PDE5A: variants seen among roughly 807,000 people sequenced by gnomAD.
The protein encoded by PDE5A is phosphodiesterase 5A.
Under a neutral mutation model 110.2 loss-of-function variants are expected in PDE5A, and 67 were observed. The observed-to-expected ratio is 0.61, with a 90% CI of 0.50 to 0.75. PDE5A has a LOEUF of 0.75. Ranked by LOEUF, PDE5A falls within the 30% of genes least tolerant of loss-of-function variation. PDE5A has a pLI of 0.00. For missense variants in PDE5A, 862 were observed against 1,045.1 expected (o/e 0.82, Z 2.42); for synonymous variants, 328 against 351.2 (o/e 0.93, Z 0.74).
At chr4:119,585,275 CAAAA>C (rs10706998) in intron 3 of PDE5A, among the ~76,000 whole-genome samples, 33 of 135,226 alleles carry the variant, frequency 2.4e-4, no homozygotes, top group Admixed American at 3.7e-4. Flanking sequence ...AACTCTGTCT[CAAAA>C]AAAAAAAAAA....
chr4:119,583,536 A>C (rs527663176), intron 3 of PDE5A, among the ~76,000 whole-genome samples: 12 of 152,208 alleles, frequency 7.9e-5, no homozygotes, highest in South Asian at 2.1e-4. Context: ...CAACTTGGCT[A>C]ACTGGCCCAA....
At chr4:119,526,149 T>C (rs551944952) in intron 11 of PDE5A, among the ~76,000 whole-genome samples, 5 of 152,248 alleles carry the variant, frequency 3.3e-5, no homozygotes, top group Middle Eastern at 3.4e-3. Flanking sequence ...AGGACAGCCT[T>C]ATGAAGTGGA....
chr4:119,558,432 T>C (rs1727617834), intron 7 of PDE5A, among the ~76,000 whole-genome samples: 1 of 152,208 alleles, frequency 6.6e-6, no homozygotes, highest in South Asian at 2.1e-4. Flanking sequence ...AATTGCCTAG[T>C]ACTTCATCAA....
At chr4:119,512,356 T>C (rs886576958) in intron 14 of PDE5A, 5 of 152,202 alleles carry the variant, frequency 3.3e-5, no homozygotes, top group African/African-American at 1.2e-4. Context: ...TTTAGTGAGT[T>C]GGACTATGGA....
intron 15 of PDE5A, among the ~76,000 whole-genome samples, chr4:119,509,770 A>G (rs1260686712): frequency 1.3e-5 from 2 of 151,874 alleles, no homozygotes; most frequent in East Asian, 1.9e-4. Context: ...AGGCTATATA[A>G]CTCTTAATTC....
At chr4:119,551,694 A>G (rs1226880573) in intron 9 of PDE5A, among the ~76,000 whole-genome samples, 2 of 44,766 alleles carry the variant, frequency 4.5e-5, no homozygotes, top group African/African-American at 6.7e-5. Context: ...TTCTTTTTCT[A>G]TTTTCATTAC....
chr4:119,499,438 T>G (rs184803020), intron 20 of PDE5A: 151 of 152,262 alleles, frequency 9.9e-4, no homozygotes, highest in African/African-American at 3.4e-3. Flanking sequence ...TATATGAAAA[T>G]GTCATAAAGC....
intron 3 of PDE5A, among the ~76,000 whole-genome samples, chr4:119,567,363 G>T (rs1170040991): frequency 6.6e-6 from 1 of 151,982 alleles, no homozygotes; most frequent in Non-Finnish European, 1.5e-5. Flanking sequence ...ATTTATTAGG[G>T]CCCAAACTAT....
At chr4:119,539,719 C>A (rs1486781101) in intron 10 of PDE5A, among the ~76,000 whole-genome samples, 1 of 152,112 alleles carries the variant, frequency 6.6e-6, no homozygotes, top group African/African-American at 2.4e-5. Context: ...CAATTCCTAA[C>A]CTATACACGT....
chr4:119,589,382 A>G (rs1436189614), intron 3 of PDE5A, among the ~76,000 whole-genome samples: 2 of 152,160 alleles, frequency 1.3e-5, no homozygotes, highest in Non-Finnish European at 2.9e-5. Flanking sequence ...CTATGTCAGA[A>G]CAAGCAATAC....
intron 9 of PDE5A, chr4:119,552,042 T>C (rs1237617132): frequency 1.3e-5 from 2 of 152,174 alleles, no homozygotes; most frequent in Non-Finnish European, 2.9e-5. Flanking sequence ...TGAGAATGCA[T>C]TCTTCCATCA....
At chr4:119,530,865 A>C (rs1016066651) in intron 11 of PDE5A, among the ~76,000 whole-genome samples, 1 of 152,158 alleles carries the variant, frequency 6.6e-6, no homozygotes, top group Non-Finnish European at 1.5e-5. Context: ...GTTGTGGTAC[A>C]TGCCTTTTTC....
At chr4:119,500,704 C>T (rs1725281281) in intron 20 of PDE5A, 1 of 152,338 alleles carries the variant, frequency 6.6e-6, no homozygotes, top group Non-Finnish European at 1.5e-5. Flanking sequence ...ACCCCCCCTC[C>T]AAAAGCCAAG....
At chr4:119,556,569 G>A (rs1727547636) in intron 7 of PDE5A, among the ~76,000 whole-genome samples, 1 of 152,088 alleles carries the variant, frequency 6.6e-6, no homozygotes, top group African/African-American at 2.4e-5. Context: ...TTTTATTTTG[G>A]GTTTTCATGA....
chr4:119,518,026 G>A (rs1266724569), intron 14 of PDE5A, among the ~76,000 whole-genome samples: 1 of 152,190 alleles, frequency 6.6e-6, no homozygotes, highest in Non-Finnish European at 1.5e-5. Context: ...ACTCAGGCAA[G>A]AGCTTGCTAT....
chr4:119,549,035 T>C (rs952949219), intron 9 of PDE5A: 12 of 152,246 alleles, frequency 7.9e-5, no homozygotes, highest in Non-Finnish European at 1.6e-4. Context: ...TACTTATTTA[T>C]GCCTTGGAAT....
chr4:119,588,670 T>G (rs1728860157), intron 3 of PDE5A, among the ~76,000 whole-genome samples: 1 of 152,202 alleles, frequency 6.6e-6, no homozygotes, highest in Non-Finnish European at 1.5e-5. Flanking sequence ...AACATTTATT[T>G]TTGTATTTTG....
intron 13 of PDE5A, 32 bp downstream of exon 13, chr4:119,520,903 G>T (rs759229198): frequency 6.3e-7 from 1 of 1,579,740 alleles, no homozygotes; most frequent in Non-Finnish European, 8.6e-7. Flanking sequence ...GCAACAAAAT[G>T]TATTAGATAT....
At chr4:119,573,521 T>G (rs1179311219) in intron 3 of PDE5A, among the ~76,000 whole-genome samples, 1 of 152,210 alleles carries the variant, frequency 6.6e-6, no homozygotes, top group East Asian at 1.9e-4. Flanking sequence ...TTTGACCATT[T>G]TAGTTATGGT....
Sources: gnomAD v4.1 joint callset for allele counts (sites outside exome capture counted in the v4.1 genomes callset) on GRCh38, gnomAD v4.1.1 for gene constraint, MANE v1.5 for transcripts, NCBI Gene and HGNC (gene_info 2026-07-23, HGNC 2026-07-21) for gene names.